The following MACROD2 variants were observed in gnomAD, a reference collection of about 807,000 sequenced individuals.
The protein encoded by MACROD2 is mono-ADP ribosylhydrolase 2.
Under a neutral mutation model 70.4 loss-of-function variants are expected in MACROD2, and 36 were observed. That is an observed-to-expected ratio of 0.51 (90% CI 0.39 to 0.68). MACROD2 has a LOEUF of 0.68. Ranked by LOEUF, MACROD2 falls within the 30% of genes least tolerant of loss-of-function variation. The pLI is 0.00. For synonymous variants in MACROD2, 172 were observed against 178.8 expected (o/e 0.96, Z 0.30); for missense variants, 496 against 538.4 (o/e 0.92, Z 0.78).
chr20:16,041,534 G>C (rs957560585), intron 16 of MACROD2, among the ~76,000 whole-genome samples: 1 of 151,904 alleles, frequency 6.6e-6, no homozygotes, highest in African/African-American at 2.4e-5. Context: ...GGACTCAATA[G>C]ATACTTTCAA....
chr20:15,250,803 T>G (rs181066552), intron 6 of MACROD2, among the ~76,000 whole-genome samples: 1 of 152,194 alleles, frequency 6.6e-6, no homozygotes, highest in Non-Finnish European at 1.5e-5. Context: ...ATTTTTCTTC[T>G]TCCTCCCCAG....
chr20:15,438,353 A>G (rs1174168700), intron 7 of MACROD2, among the ~76,000 whole-genome samples: 1 of 151,928 alleles, frequency 6.6e-6, no homozygotes, highest in Non-Finnish European at 1.5e-5. Flanking sequence ...TTATTTTTTG[A>G]CTTTTTAAGA....
chr20:14,489,280 C>G (rs916702655), intron 3 of MACROD2, among the ~76,000 whole-genome samples: 5 of 152,272 alleles, frequency 3.3e-5, no homozygotes, highest in Admixed American at 6.5e-5. Flanking sequence ...TAGACAGAGG[C>G]CTGTTGCCAG....
chr20:13,995,842 CGGTGGGGGTTAG>C lies in MACROD2; in HGVS notation c.46+42_46+53del. ...GCCCGTCGAGTCCTGGGGGTGCGGG[CGGTGGGGGTTAG>C]GGTGGGGGCGGGGGTCAGGCTGTGT... On this transcript the variant is annotated intron_variant, in intron 1 of 17. Transcript: ENST00000684519. This position sits in a 1 kb window ranked among gnomAD's most constrained non-coding sequence, Gnocchi z 4.3. The C allele has an allele frequency of 5.9e-6, 2 of 340,966 alleles. No homozygotes were observed. The highest frequency in any genetic ancestry group is 1.1e-5 in the Non-Finnish European group (2 of 182,448). The allele number at this position is 340,966 out of a possible 1,614,324, so 21.1% of individuals were successfully genotyped here. A position where few individuals can be genotyped will look rare whatever the true frequency, so the allele number is the denominator to read the frequency against.
intron 13 of MACROD2, among the ~76,000 whole-genome samples, chr20:15,977,390 A>G (rs1217374184): frequency 6.6e-6 from 1 of 152,202 alleles, no homozygotes; most frequent in Non-Finnish European, 1.5e-5. Flanking sequence ...ATAGATGATG[A>G]AATTAAAGGT....
At chr20:14,923,954 C>T (rs1284879453) in intron 5 of MACROD2, among the ~76,000 whole-genome samples, 2 of 152,094 alleles carry the variant, frequency 1.3e-5, no homozygotes, top group East Asian at 1.9e-4. Context: ...GTTAATTTTC[C>T]GTTTACGAGC....
chr20:14,216,043 T>A (rs1207673553), intron 3 of MACROD2, among the ~76,000 whole-genome samples: 1 of 152,142 alleles, frequency 6.6e-6, no homozygotes, highest in East Asian at 1.9e-4. Flanking sequence ...TCTTTTTTTT[T>A]ATTGCATTTG....
chr20:14,361,284 A>G (rs560492869), intron 3 of MACROD2, among the ~76,000 whole-genome samples: 1 of 152,094 alleles, frequency 6.6e-6, no homozygotes, highest in Admixed American at 6.6e-5. Context: ...TCCATTTTTA[A>G]ATCATACCCT....
At chr20:15,571,083 C>T (rs780180834) in intron 8 of MACROD2, among the ~76,000 whole-genome samples, 2 of 152,132 alleles carry the variant, frequency 1.3e-5, no homozygotes, top group African/African-American at 4.8e-5. Flanking sequence ...AGTTAAAACT[C>T]TGCTAAAGAA....
In MACROD2 at chr20:14,397,869, ACT is replaced by A. The variant is rs552987991; in HGVS notation, c.272-95607_272-95606del. ...CTGTAATTTTATATCTATTAATAAA[ACT>A]CTGTCTTCTCCTCCCTGCTACATTT... is the stretch of plus-strand genomic sequence containing the variant. On this transcript the variant is annotated intron_variant, in intron 3 of 17. Transcript: ENST00000684519. Among the ~76,000 whole-genome samples the A allele has an allele frequency of 2.2e-3, 333 of 152,068 alleles. 1 individual carries two copies. The highest frequency in any genetic ancestry group is 5.8e-3 in the Admixed American group (89 of 15,272).
At chr20:14,179,627 A>G (rs2081290825) in intron 3 of MACROD2, among the ~76,000 whole-genome samples, 1 of 152,192 alleles carries the variant, frequency 6.6e-6, no homozygotes, top group African/African-American at 2.4e-5. Context: ...GATTAGTCTA[A>G]CAAAGGGGAA....
intron 5 of MACROD2, among the ~76,000 whole-genome samples, chr20:15,054,621 CATTTT>C (rs1472905411): frequency 6.6e-6 from 1 of 152,114 alleles, no homozygotes; most frequent in African/African-American, 2.4e-5. Flanking sequence ...GTGTGTGACT[CATTTT>C]ATTGTGGTGG....
intron 5 of MACROD2, among the ~76,000 whole-genome samples, chr20:15,157,648 A>G (rs1348573822): frequency 6.6e-6 from 1 of 152,056 alleles, no homozygotes; most frequent in Non-Finnish European, 1.5e-5. Context: ...ATAGTTTCCA[A>G]CTGACCCCTA....
At chr20:15,510,715 T>C (rs1279443808) in intron 8 of MACROD2, among the ~76,000 whole-genome samples, 1 of 152,204 alleles carries the variant, frequency 6.6e-6, no homozygotes, top group Non-Finnish European at 1.5e-5. Flanking sequence ...TCCAATTTCA[T>C]GGCTCAATGG....
intron 3 of MACROD2, among the ~76,000 whole-genome samples, chr20:14,260,585 G>GCC (rs2082093522): frequency 6.6e-6 from 1 of 152,130 alleles, no homozygotes; most frequent in Non-Finnish European, 1.5e-5. Flanking sequence ...TTACAGGCAT[G>GCC]AGCCACCACA....
At chr20:14,265,862 C>T (rs931216718) in intron 3 of MACROD2, among the ~76,000 whole-genome samples, 3 of 151,274 alleles carry the variant, frequency 2.0e-5, no homozygotes, top group East Asian at 1.9e-4. Context: ...CTGCAAGCTC[C>T]GCCTTCCGGG....
At chr20:15,352,855 A>T (rs535925345) in intron 6 of MACROD2, among the ~76,000 whole-genome samples, 2 of 152,170 alleles carry the variant, frequency 1.3e-5, no homozygotes, top group East Asian at 3.9e-4. Flanking sequence ...ATAAAAGAGG[A>T]TACAAACAAA....
chr20:15,543,921 A>G (rs2047991777), intron 8 of MACROD2, among the ~76,000 whole-genome samples: 1 of 152,234 alleles, frequency 6.6e-6, no homozygotes, highest in South Asian at 2.1e-4. Context: ...TCCCCAAAGC[A>G]ATCACCCAAA....
chr20:14,793,197 G>A (rs1185234802), intron 5 of MACROD2, among the ~76,000 whole-genome samples: 1 of 151,986 alleles, frequency 6.6e-6, no homozygotes, highest in Admixed American at 6.6e-5. Flanking sequence ...GTGTGTGTGT[G>A]TAAAGTGGGA....
Sources: allele counts gnomAD v4.1 joint callset (sites outside exome capture counted in the v4.1 genomes callset), GRCh38; gene constraint gnomAD v4.1.1; non-coding constraint Gnocchi (gnomAD v3.1); transcripts MANE v1.5; gene names NCBI Gene and HGNC (gene_info 2026-07-23, HGNC 2026-07-21).